Variants in AADAT observed in about 807,000 individuals in gnomAD.
AADAT encodes the protein aminoadipate aminotransferase.
AADAT carries 25 observed loss-of-function variants against 56.2 expected under a neutral mutation model. The observed-to-expected ratio is 0.44, with a 90% CI of 0.32 to 0.62. The LOEUF is 0.62. Ranked by LOEUF, AADAT falls within the 20% of genes least tolerant of loss-of-function variation. The pLI, the probability that AADAT is intolerant of heterozygous loss-of-function variation, is 0.04. For synonymous variants in AADAT, 173 were observed against 164.7 expected (o/e 1.05, Z -0.39); for missense variants, 387 against 510.5 (o/e 0.76, Z 2.33).
intron 3 of AADAT, among the ~76,000 whole-genome samples, chr4:170,084,779 G>A (rs144341248): frequency 2.1e-3 from 318 of 152,294 alleles, no homozygotes; most frequent in African/African-American, 5.7e-3. Context: ...CCTCCGAAAA[G>A]TTTCTAATTG....
intron 3 of AADAT, among the ~76,000 whole-genome samples, chr4:170,083,349 A>G (rs1732406558): frequency 6.6e-6 from 1 of 152,166 alleles, no homozygotes; most frequent in South Asian, 2.1e-4. Flanking sequence ...ATGGAAACGC[A>G]ATATACTAAA....
At chr4:170,090,089 G>C (rs1732761563), upstream of AADAT, 2 of 118,598 alleles carry the variant, frequency 1.7e-5, no homozygotes, top group Non-Finnish European at 3.6e-5. Flanking sequence ...AGAGCGCAGG[G>C]CGCGGGGTAG....
chr4:170,091,252 A>T (rs1581604258), upstream of AADAT, among the ~76,000 whole-genome samples: 3 of 151,906 alleles, frequency 2.0e-5, no homozygotes, highest in South Asian at 6.2e-4. Context: ...GGCGGGAACC[A>T]GGGCTGTGCG....
intron 6 of AADAT, 79 bp downstream of exon 6, chr4:170,070,508 C>T: frequency 1.0e-6 from 1 of 966,254 alleles, no homozygotes; most frequent in Non-Finnish European, 1.6e-6. Context: ...ACTCAGCAGT[C>T]AGCCTAATAC....
intron 3 of AADAT, among the ~76,000 whole-genome samples, chr4:170,080,516 A>G (rs1239535564): frequency 1.3e-5 from 2 of 152,176 alleles, no homozygotes; most frequent in Admixed American, 1.3e-4. Context: ...ATCGGGAGGC[A>G]GGACTACCAT....
upstream of AADAT, chr4:170,089,988 C>A: frequency 5.2e-6 from 1 of 192,350 alleles, no homozygotes; most frequent in South Asian, 1.9e-4. Context: ...GGTTTTGCCC[C>A]GCCGCGGGCC....
chr4:170,079,915 G>A (rs1732208544), intron 3 of AADAT, among the ~76,000 whole-genome samples: 1 of 152,164 alleles, frequency 6.6e-6, no homozygotes, highest in Non-Finnish European at 1.5e-5. Context: ...AGATACCCAG[G>A]AAAAGTACAT....
chr4:170,070,712 AAAATT>A, intron 5 of AADAT, 60 bp from the exon 6 acceptor site: 1 of 1,174,534 alleles, frequency 8.5e-7, no homozygotes, highest in Non-Finnish European at 1.2e-6. Context: ...AAAGTTATCT[AAAATT>A]AAATTCATTT....
chr4:170,092,384 AC>A (rs1347164925), upstream of AADAT, among the ~76,000 whole-genome samples: 1 of 152,234 alleles, frequency 6.6e-6, no homozygotes, highest in Non-Finnish European at 1.5e-5. Flanking sequence ...TGTAACACTC[AC>A]CGCCAAAGTC....
upstream of AADAT, among the ~76,000 whole-genome samples, chr4:170,092,879 G>A (rs1230764880): frequency 6.6e-6 from 1 of 152,216 alleles, no homozygotes; most frequent in African/African-American, 2.4e-5. Flanking sequence ...TTTGACTAAA[G>A]CTATTTGGCA....
rs761946814 is a variant in AADAT, at chr4:170,083,126, C to T, written c.369+3990G>A. Among the ~76,000 whole-genome samples the T allele has an allele frequency of 3.3e-5, 5 of 151,450 alleles. No individual in the cohort carries two copies. In the South Asian group the frequency reaches 1.0e-3, roughly 32 times the overall value. On this transcript the variant is annotated intron_variant, in intron 3 of 12. Transcript: ENST00000337664. ...TCAGCACAATGAAGAGTCTGCAGAA[C>T]AGACCATACCTTAGGCTATAAAACA... is the stretch of plus-strand genomic sequence containing the variant.
At chr4:170,087,335 C>G (rs1366793628) in intron 2 of AADAT, 87 bp from the exon 3 acceptor site, 1 of 1,309,234 alleles carries the variant, frequency 7.6e-7, no homozygotes, top group Admixed American at 2.3e-5. Flanking sequence ...ACAGCTTTAT[C>G]AAGCACTTTG....
At chr4:170,094,158 A>G (rs1185231559), upstream of AADAT, among the ~76,000 whole-genome samples, 3 of 152,242 alleles carry the variant, frequency 2.0e-5, no homozygotes, top group Non-Finnish European at 4.4e-5. Flanking sequence ...GAAATGGCCC[A>G]TCAGGGCAGG....
At chr4:170,082,047 A>G (rs960643268) in intron 3 of AADAT, among the ~76,000 whole-genome samples, 1 of 152,202 alleles carries the variant, frequency 6.6e-6, no homozygotes, top group African/African-American at 2.4e-5. Flanking sequence ...AAAAAATACT[A>G]ATGTGCAAAA....
intron 6 of AADAT, among the ~76,000 whole-genome samples, chr4:170,069,622 G>A (rs1297193535): frequency 6.6e-6 from 1 of 152,180 alleles, no homozygotes; most frequent in Non-Finnish European, 1.5e-5. Flanking sequence ...ACTGAAGGGT[G>A]TTCAGAGAGA....
intron 3 of AADAT, among the ~76,000 whole-genome samples, chr4:170,086,754 T>C (rs913371980): frequency 6.6e-6 from 1 of 152,164 alleles, no homozygotes; most frequent in Non-Finnish European, 1.5e-5. Flanking sequence ...ACATGCTCTG[T>C]ATTTAATATT....
At chr4:170,069,577 G>A (rs1731660592) in intron 6 of AADAT, among the ~76,000 whole-genome samples, 1 of 152,138 alleles carries the variant, frequency 6.6e-6, no homozygotes, top group South Asian at 2.1e-4. Flanking sequence ...AGAAACACTA[G>A]TTTGAACAAG....
At chr4:170,089,279 C>A (rs1198280451) in intron 1 of AADAT, 2 of 512,616 alleles carry the variant, frequency 3.9e-6, no homozygotes, top group South Asian at 1.6e-5. Context: ...CTCCACTGTA[C>A]ACCCATCTGC....
At chr4:170,082,975 C>A (rs763435573) in intron 3 of AADAT, among the ~76,000 whole-genome samples, 26 of 150,598 alleles carry the variant, frequency 1.7e-4, no homozygotes, top group Non-Finnish European at 3.1e-4. Context: ...TAGTAATGAA[C>A]AGATTATCCA....
Sources: gnomAD v4.1 joint callset for allele counts (sites outside exome capture counted in the v4.1 genomes callset) on GRCh38, gnomAD v4.1.1 for gene constraint, MANE v1.5 for transcripts, NCBI Gene and HGNC (gene_info 2026-07-23, HGNC 2026-07-21) for gene names.